MGMT: variants seen among roughly 807,000 people sequenced by gnomAD.
MGMT encodes methylated-DNA--protein-cysteine methyltransferase.
Under a neutral mutation model 15.9 loss-of-function variants are expected in MGMT, and 14 were observed. The ratio of observed to expected loss-of-function variants is 0.88; its 90% CI spans 0.58 to 1.37. MGMT has a LOEUF of 1.37. Among genes scored for constraint, MGMT ranks in the 40% most tolerant of loss-of-function variants. The pLI is 0.00. For missense variants in MGMT, 282 were observed against 268.1 expected (o/e 1.05, Z -0.36); for synonymous variants, 130 against 118.2 (o/e 1.10, Z -0.65).
chr10:129,666,775 A>G (rs78235458), intron 2 of MGMT, among the ~76,000 whole-genome samples: 1 of 152,240 alleles, frequency 6.6e-6, no homozygotes, highest in East Asian at 1.9e-4. Flanking sequence ...AACAATGCTG[A>G]GAGTAGTGAT....
At chr10:129,706,430 C>T (rs576393713) in intron 2 of MGMT, among the ~76,000 whole-genome samples, 2 of 152,054 alleles carry the variant, frequency 1.3e-5, no homozygotes, top group East Asian at 1.9e-4. Context: ...CGCACGCCCC[C>T]CAAGGCAGCC....
At chr10:129,625,562 C>G (rs910069579) in intron 2 of MGMT, among the ~76,000 whole-genome samples, 30 of 152,288 alleles carry the variant, frequency 2.0e-4, no homozygotes, top group Non-Finnish European at 3.8e-4. Flanking sequence ...GTGTAATTCT[C>G]CACATTCACA....
chr10:129,491,080 C>G (rs1424578674), intron 1 of MGMT, among the ~76,000 whole-genome samples: 1 of 152,042 alleles, frequency 6.6e-6, no homozygotes, highest in Non-Finnish European at 1.5e-5. Context: ...TCACCGTGCC[C>G]CATGCTTGCC....
chr10:129,477,398 G>A (rs950189866), intron 1 of MGMT, among the ~76,000 whole-genome samples: 4 of 152,122 alleles, frequency 2.6e-5, no homozygotes, highest in African/African-American at 9.7e-5. Context: ...CTGGACACAG[G>A]GTGCTGTGGA....
chr10:129,523,375 A>T (rs1450084333), intron 1 of MGMT, among the ~76,000 whole-genome samples: 2 of 151,440 alleles, frequency 1.3e-5, no homozygotes, highest in Non-Finnish European at 2.9e-5. Flanking sequence ...ATGAGGGAAA[A>T]CATGGTGTTC....
chr10:129,665,161 T>TCCATCA (rs1431173350), intron 2 of MGMT, among the ~76,000 whole-genome samples: 2 of 132,962 alleles, frequency 1.5e-5, no homozygotes, highest in African/African-American at 5.9e-5. Flanking sequence ...ACTCCATCAC[T>TCCATCA]CTCTCTCTCT....
At chr10:129,569,363 T>C (rs555929330) in intron 2 of MGMT, among the ~76,000 whole-genome samples, 5 of 152,204 alleles carry the variant, frequency 3.3e-5, no homozygotes, top group African/African-American at 1.2e-4. Context: ...AGCCTGCGAG[T>C]GGCTCAGGCG....
intron 2 of MGMT, among the ~76,000 whole-genome samples, chr10:129,682,316 T>TA (rs1442767834): frequency 1.3e-5 from 2 of 151,992 alleles, no homozygotes; most frequent in African/African-American, 4.8e-5. Flanking sequence ...GAAAACAGAA[T>TA]AAAAAGCAGC....
At chr10:129,521,089 GC>G (rs1314606432) in intron 1 of MGMT, among the ~76,000 whole-genome samples, 1 of 152,150 alleles carries the variant, frequency 6.6e-6, no homozygotes, top group Admixed American at 6.5e-5. Context: ...ACTGGGCATG[GC>G]CCTCCTGGAA....
intron 1 of MGMT, among the ~76,000 whole-genome samples, chr10:129,475,852 C>T (rs1033288080): frequency 1.6e-4 from 25 of 152,252 alleles, no homozygotes; most frequent in Non-Finnish European, 1.3e-4. Flanking sequence ...TAAAGTTCAA[C>T]GTTATCTACC....
chr10:129,486,464 C>T (rs1845410563), intron 1 of MGMT, among the ~76,000 whole-genome samples: 1 of 152,102 alleles, frequency 6.6e-6, no homozygotes, highest in Admixed American at 6.5e-5. Context: ...GCTGGGATTA[C>T]AGGTGTGAGC....
At position 129,659,456 on chromosome 10, in the gene MGMT, C is replaced by T. The variant is rs536988012; in HGVS notation, c.126-48439C>T. On this transcript the variant is annotated intron_variant, in intron 2 of 4. Coordinates refer to ENST00000651593, the MANE Select transcript of MGMT (RefSeq NM_002412.5). The surrounding 1 kb of genome is among the most constrained non-coding windows in gnomAD (Gnocchi z 4.1). ...ATAGAACAGATCCTGCCTCTATCCA[C>T]GGCGTAAGGGAGTTAGCTTCATGGC... Among the ~76,000 whole-genome samples the T allele has an allele frequency of 7.2e-5, 11 of 152,194 alleles. No individual in the cohort carries two copies. The highest frequency in any genetic ancestry group is 1.2e-4 in the African/African-American group (5 of 41,490).
intron 1 of MGMT, among the ~76,000 whole-genome samples, chr10:129,482,961 CT>C (rs1462468142): frequency 6.6e-6 from 1 of 152,146 alleles, no homozygotes; most frequent in Non-Finnish European, 1.5e-5. Context: ...CCAATTTGTT[CT>C]TTTTGCCCTT....
At chr10:129,559,504 A>AT (rs920403780) in intron 2 of MGMT, among the ~76,000 whole-genome samples, 33 of 151,028 alleles carry the variant, frequency 2.2e-4, no homozygotes, top group African/African-American at 7.1e-4. Context: ...CCATTTTCCC[A>AT]TTTTTTTTAA....
chr10:129,513,839 T>TA (rs1299921085), intron 1 of MGMT, among the ~76,000 whole-genome samples: 1 of 152,200 alleles, frequency 6.6e-6, no homozygotes, highest in East Asian at 1.9e-4. Context: ...GAGCCCCAGT[T>TA]ACAGTCAGTG....
chr10:129,470,823 C>T (rs1845222464), intron 1 of MGMT, among the ~76,000 whole-genome samples: 3 of 152,216 alleles, frequency 2.0e-5, no homozygotes, highest in Admixed American at 2.0e-4. Flanking sequence ...GTGTCCCCTT[C>T]ACCCCACCTG....
At chr10:129,696,272 C>T (rs756382514) in intron 2 of MGMT, among the ~76,000 whole-genome samples, 14 of 152,140 alleles carry the variant, frequency 9.2e-5, no homozygotes, top group South Asian at 2.1e-4. Flanking sequence ...TTTGCTGCTT[C>T]GTTTCATTTT....
intron 2 of MGMT, among the ~76,000 whole-genome samples, chr10:129,573,399 T>G (rs1232042449): frequency 6.6e-6 from 1 of 152,194 alleles, no homozygotes; most frequent in East Asian, 1.9e-4. Context: ...AGTACATGGT[T>G]TGTCAAAACT....
chr10:129,479,223 G>T (rs1176490303), intron 1 of MGMT, among the ~76,000 whole-genome samples: 1 of 151,686 alleles, frequency 6.6e-6, no homozygotes, highest in South Asian at 2.1e-4. Context: ...AATAGTTAGG[G>T]TGGGGACATA....
Sources: allele counts gnomAD v4.1 joint callset (sites outside exome capture counted in the v4.1 genomes callset), GRCh38; gene constraint gnomAD v4.1.1; non-coding constraint Gnocchi (gnomAD v3.1); transcripts MANE v1.5; gene names NCBI Gene and HGNC (gene_info 2026-07-23, HGNC 2026-07-21).